METTL8: variants seen among roughly 807,000 people sequenced by gnomAD.
The protein encoded by METTL8 is tRNA N(3)-cytidine methyltransferase METTL8, mitochondrial.
METTL8 carries 32 observed loss-of-function variants against 48.7 expected under a neutral mutation model. That is an observed-to-expected ratio of 0.66 (90% confidence interval 0.50 to 0.88). The LOEUF is 0.88. Ranked by LOEUF, METTL8 falls within the 40% of genes least tolerant of loss-of-function variation. The pLI is 0.00. For synonymous variants in METTL8, 136 were observed against 157.1 expected, an observed-to-expected ratio of 0.87 and a Z score of 1.01; for missense variants, 464 against 474.4, an observed-to-expected ratio of 0.98 and a Z score of 0.20.
At chr2:171,434,505 C>T (rs1693640068), upstream of METTL8, 1 of 1,522,782 alleles carries the variant, frequency 6.6e-7, no homozygotes, top group East Asian at 2.5e-5. Context: ...AAGGCAGCGG[C>T]GGCTGCCCAG....
At chr2:171,348,759 G>A (rs1399373506) in intron 3 of METTL8, among the ~76,000 whole-genome samples, 1 of 151,994 alleles carries the variant, frequency 6.6e-6, no homozygotes, top group Non-Finnish European at 1.5e-5. Flanking sequence ...TGAACTATGC[G>A]AGAATTCATT....
At chr2:171,328,334 C>T (rs1685171863) in intron 7 of METTL8, among the ~76,000 whole-genome samples, 1 of 152,178 alleles carries the variant, frequency 6.6e-6, no homozygotes, top group Admixed American at 6.5e-5. Context: ...TTTGTAGCCA[C>T]CTACAATTTA....
chr2:171,368,848 G>A (rs1311935457), intron 2 of METTL8, among the ~76,000 whole-genome samples: 4 of 151,894 alleles, frequency 2.6e-5, no homozygotes, highest in Non-Finnish European at 4.4e-5. Context: ...GCCAGCTTGC[G>A]TAATATAGTG....
chr2:171,399,029 A>G (rs1038167213), intron 1 of METTL8, among the ~76,000 whole-genome samples: 5 of 152,166 alleles, frequency 3.3e-5, no homozygotes, highest in African/African-American at 4.8e-5. Context: ...ACTTAACTCA[A>G]ATTAATGTCA....
At chr2:171,422,425 G>A (rs1456119076) in intron 1 of METTL8, among the ~76,000 whole-genome samples, 2 of 152,162 alleles carry the variant, frequency 1.3e-5, no homozygotes, top group African/African-American at 4.8e-5. Flanking sequence ...ATGACCTCAA[G>A]TTAAGCAATT....
intron 2 of METTL8, among the ~76,000 whole-genome samples, chr2:171,361,645 A>G (rs1685183114): frequency 6.6e-6 from 1 of 152,214 alleles, no homozygotes; most frequent in Admixed American, 6.5e-5. Flanking sequence ...TCCACTTTGC[A>G]TAGTGGCTAA....
At chr2:171,339,154 C>G (rs1575754504) in intron 4 of METTL8, 30 bp downstream of exon 4, 2 of 1,416,896 alleles carry the variant, frequency 1.4e-6, no homozygotes, top group African/African-American at 1.4e-5. Flanking sequence ...TTATTTGTCA[C>G]CTCCCATTTT....
At chr2:171,368,617 A>G (rs1049625629) in intron 2 of METTL8, among the ~76,000 whole-genome samples, 1 of 152,136 alleles carries the variant, frequency 6.6e-6, no homozygotes, top group African/African-American at 2.4e-5. Flanking sequence ...AAAATGTGTC[A>G]ACATTTAGAA....
chr2:171,355,107 C>T (rs1344588703), intron 3 of METTL8, among the ~76,000 whole-genome samples: 2 of 152,136 alleles, frequency 1.3e-5, no homozygotes, highest in Admixed American at 6.5e-5. Context: ...GTTTTATCTA[C>T]CTTTGGTCTT....
intron 2 of METTL8, among the ~76,000 whole-genome samples, chr2:171,374,693 T>C (rs1467666474): frequency 3.1e-5 from 4 of 129,610 alleles, no homozygotes; most frequent in Non-Finnish European, 1.6e-5. Flanking sequence ...TAGCATCCAC[T>C]GATTTGCCTT....
At chr2:171,338,650 A>AG (rs1167201330) in intron 4 of METTL8, among the ~76,000 whole-genome samples, 1 of 151,972 alleles carries the variant, frequency 6.6e-6, no homozygotes, top group Non-Finnish European at 1.5e-5. Flanking sequence ...CAAAAAAAAA[A>AG]AAAAAAGAAG....
chr2:171,369,122 G>C (rs987403277), intron 2 of METTL8, among the ~76,000 whole-genome samples: 1 of 151,900 alleles, frequency 6.6e-6, no homozygotes, highest in Admixed American at 6.6e-5. Context: ...TGGCTAACAC[G>C]GTGAAACCCC....
At chr2:171,381,428 C>T (rs1344623871) in intron 2 of METTL8, among the ~76,000 whole-genome samples, 1 of 152,154 alleles carries the variant, frequency 6.6e-6, no homozygotes, top group Non-Finnish European at 1.5e-5. Context: ...AACTAAAGGG[C>T]TTCTGCACAG....
chr2:171,358,680 T>A (rs1399573842), intron 3 of METTL8, among the ~76,000 whole-genome samples: 1 of 151,802 alleles, frequency 6.6e-6, no homozygotes, highest in Non-Finnish European at 1.5e-5. Flanking sequence ...AAGACTTAAA[T>A]CTATGACCTG....
At position 171,323,470 on chromosome 2, in the gene METTL8, C is replaced by G. The variant is rs7599283; in HGVS notation, c.*702G>C. ...GCTGGTCTTGAACTCCTGAGCTCAACCGATCTGCCTGCCTCAGCCCCCCAA... is the reference window on the plus strand; with the variant it reads ...GCTGGTCTTGAACTCCTGAGCTCAAGCGATCTGCCTGCCTCAGCCCCCCAA... On this transcript the variant is annotated 3_prime_UTR_variant, in exon 10 of 10. Coordinates refer to ENST00000375258, the MANE Select transcript of METTL8 (RefSeq NM_001321154.2). 151,940 of 152,264 alleles carry G rather than the reference C, an allele frequency of 1. 75,808 individuals are homozygous for G. Among genetic ancestry groups the G allele is most frequent in the Middle Eastern group, 1 (296 of 296 alleles). The allele number at this position is 152,264 out of a possible 1,614,324, so 9.4% of individuals were successfully genotyped here.
chr2:171,384,872 C>CTATA (rs1436925309), intron 2 of METTL8, among the ~76,000 whole-genome samples: 1 of 151,874 alleles, frequency 6.6e-6, no homozygotes, highest in African/African-American at 2.4e-5. Flanking sequence ...AAGTAAAAGA[C>CTATA]TATAGGCAGA....
intron 2 of METTL8, among the ~76,000 whole-genome samples, chr2:171,364,414 T>C (rs1685514441): frequency 6.6e-6 from 1 of 151,788 alleles, no homozygotes; most frequent in Non-Finnish European, 1.5e-5. Flanking sequence ...AGGAAAGACA[T>C]AAAAAAGAAA....
In METTL8 at chr2:171,346,456, A is replaced by G. The variant is rs117452843; in HGVS notation, c.236-6902T>C. Among the ~76,000 whole-genome samples the G allele has an allele frequency of 8.3e-4, 127 of 152,364 alleles. No individual in the cohort carries two copies. In the East Asian group the frequency reaches 0.022, roughly 26 times the overall value. Reference sequence around the variant, plus strand: ...TTTCCTGACTTCAGTTCTCACCAACAGCTGAGACAATATGTGAGAAATGGG... The same window carrying G: ...TTTCCTGACTTCAGTTCTCACCAACGGCTGAGACAATATGTGAGAAATGGG... On this transcript the variant is annotated intron_variant, in intron 3 of 9. Coordinates refer to ENST00000375258, the MANE Select transcript of METTL8 (RefSeq NM_001321154.2).
Position 171,392,181 on chromosome 2 carries a change from T to C in METTL8, c.5A>G (p.Asn2Ser), listed in dbSNP as rs1244685269. ...AGAAATGGAATTTCTCCAAATCATA[T>C]TCATCCTAAGCAGTACCTAAAAAGT... M[N>S]MIWRNSISCL... The change falls in exon 2 of 10, where the codon AAT (asparagine) becomes AGT (serine). Residue 2 changes from asparagine (N) to serine (S), a missense_variant. By Grantham distance (46) the Asn-to-Ser change is conservative. Coordinates refer to ENST00000375258, the MANE Select transcript of METTL8 (RefSeq NM_001321154.2). 7 of 1,551,366 alleles carry C rather than the reference T, an allele frequency of 4.5e-6. No individual in the cohort carries two copies. The highest frequency in any genetic ancestry group is 6.1e-6 in the Non-Finnish European group (7 of 1,146,808).
Sources: gnomAD v4.1 joint callset for allele counts (sites outside exome capture counted in the v4.1 genomes callset) on GRCh38, gnomAD v4.1.1 for gene constraint, MANE v1.5 for transcripts, NCBI Gene and HGNC (gene_info 2026-07-23, HGNC 2026-07-21) for gene names.